The following THBS4 variants were observed in gnomAD, a reference collection of about 807,000 sequenced individuals.
THBS4 encodes thrombospondin 4, also known as thrombospondin-4.
A neutral mutation model predicts 115.7 loss-of-function variants in THBS4; 90 were observed. That is an observed-to-expected ratio of 0.78 (90% confidence interval 0.66 to 0.93). The LOEUF is 0.93. THBS4 is among the 40% of genes least tolerant of loss of function. The pLI, the probability that THBS4 is intolerant of heterozygous loss-of-function variation, is 0.00. For missense variants in THBS4, 1,087 were observed against 1,232.7 expected, an observed-to-expected ratio of 0.88 and a Z score of 1.77; for synonymous variants, 460 against 479.3, an observed-to-expected ratio of 0.96 and a Z score of 0.53.
intron 8 of THBS4, among the ~76,000 whole-genome samples, chr5:80,062,912 A>C (rs1833689718): frequency 6.6e-6 from 1 of 152,086 alleles, no homozygotes; most frequent in South Asian, 2.1e-4. Context: ...TATGTGCCAC[A>C]TTTTCTTAAT....
At chr5:80,065,298 G>A (rs921083162) in intron 8 of THBS4, 111 bp from the exon 9 acceptor site, 42 of 924,962 alleles carry the variant, frequency 4.5e-5, no homozygotes, top group African/African-American at 4.1e-4. Context: ...CATTCTACCC[G>A]AAATTCCGCA....
intron 17 of THBS4, 113 bp from the exon 18 acceptor site, chr5:80,078,808 T>A: frequency 2.4e-6 from 2 of 847,570 alleles, no homozygotes; most frequent in Non-Finnish European, 3.6e-6. Flanking sequence ...AATCTTTATA[T>A]GGAGGTCAGA....
intron 2 of THBS4, among the ~76,000 whole-genome samples, chr5:80,050,156 C>G (rs771642562): frequency 7.9e-5 from 12 of 152,176 alleles, no homozygotes; most frequent in East Asian, 1.9e-4. Context: ...GTACCTGGAA[C>G]CGCCCAGTGG....
At chr5:80,050,930 G>A (rs145439208) in intron 2 of THBS4, among the ~76,000 whole-genome samples, 19 of 152,306 alleles carry the variant, frequency 1.2e-4, no homozygotes, top group Non-Finnish European at 2.2e-4. Flanking sequence ...GCTTTCCAGG[G>A]TGGTGGCCAG....
At position 80,058,774 on chromosome 5, in the gene THBS4, A is replaced by G. The variant is rs781426311; in HGVS notation, c.716A>G (p.Asp239Gly). ...QLNQLLGEVK[D>G]LLRQQVKETS... ...AACCAACTCCTGGGAGAGGTGAAGG[A>G]CCTTCTGAGACAGCAGGTAACAAGC... Residue 239 changes from aspartate to glycine, a missense_variant, in exon 5 of 22, where the codon GAC (aspartate) becomes GGC (glycine). By Grantham distance (94) the Asp-to-Gly change is moderately conservative. Transcript: ENST00000350881. 1 of 1,613,782 alleles carries G rather than the reference A, an allele frequency of 6.2e-7. No individual in the cohort carries two copies. The highest frequency in any genetic ancestry group is 8.5e-7 in the Non-Finnish European group (1 of 1,179,910).
At chr5:80,022,043 C>T (rs939176762) in intron 2 of THBS4, among the ~76,000 whole-genome samples, 1 of 152,106 alleles carries the variant, frequency 6.6e-6, no homozygotes, top group African/African-American at 2.4e-5. Context: ...CCTGATGTCT[C>T]AGTTTTCTAT....
intron 2 of THBS4, among the ~76,000 whole-genome samples, chr5:80,041,291 C>T (rs999248652): frequency 2.0e-5 from 3 of 152,178 alleles, no homozygotes; most frequent in African/African-American, 7.2e-5. Flanking sequence ...TCATGAGGGC[C>T]ACACCCTCAG....
intron 17 of THBS4, 39 bp downstream of exon 17, chr5:80,078,266 C>T (rs1743317081): frequency 6.7e-7 from 1 of 1,503,712 alleles, no homozygotes; most frequent in African/African-American, 1.4e-5. Flanking sequence ...AGCCTTGCCT[C>T]TCAACAGAGG....
chr5:80,008,819 A>AG lies in THBS4; in HGVS notation n.177+10397dup, dbSNP rs538948258. ...AGACATTGTCAGATGTCTGGTGGGG[A>AG]GGGGGTCACAAAATCATCCCTGGGT... On this transcript the variant is annotated intron_variant and non_coding_transcript_variant, in intron 2 of 3. Coordinates refer to the THBS4 transcript ENST00000510218. 3.4e-4 allele frequency among the ~76,000 whole-genome samples: 52 copies of AG among 152,252 alleles called. No individual in the cohort carries two copies. In the South Asian group the frequency reaches 5.4e-3, roughly 16 times the overall value.
intron 2 of THBS4, among the ~76,000 whole-genome samples, chr5:80,025,616 C>G (rs2434273): frequency 0.25 from 38,665 of 152,034 alleles, 5,602 homozygotes; most frequent in African/African-American, 0.4. Flanking sequence ...AAGGAATCAT[C>G]AATGGGGCTT....
intron 2 of THBS4, among the ~76,000 whole-genome samples, chr5:80,042,990 A>G (rs1832953933): frequency 6.6e-6 from 1 of 152,074 alleles, no homozygotes; most frequent in Non-Finnish European, 1.5e-5. Context: ...AAAAAAAATT[A>G]GAGGAAAAGA....
At position 79,991,446 on chromosome 5, in the gene THBS4, G is replaced by A. The variant is rs1831670760; in HGVS notation, n.81+34G>A. ...TGTGTGCCTTAAGTCAGACCCACCA[G>A]TAATTCTTCAAATATTAATATTTAT... is the stretch of plus-strand genomic sequence containing the variant. On this transcript the variant is annotated intron_variant and non_coding_transcript_variant, in intron 1 of 3. Transcript: ENST00000510218. The A allele has an allele frequency of 1.3e-5, 6 of 478,326 alleles. No individual in the cohort carries two copies. In the South Asian group the frequency reaches 2.4e-4, roughly 19 times the overall value. 29.6% of individuals were successfully genotyped at this position (478,326 alleles called of 1,614,324 possible).
chr5:80,036,215 G>A, intron 1 of THBS4: 1 of 985,012 alleles, frequency 1.0e-6, no homozygotes, highest in South Asian at 4.7e-5. Flanking sequence ...CTTTTTCAAT[G>A]AAATCAGTTC....
In THBS4 at chr5:80,080,095, C is replaced by T. The variant is rs2112172626; in HGVS notation, c.2684+18C>T. 1 of 1,609,652 alleles carries T rather than the reference C, an allele frequency of 6.2e-7. No homozygotes were observed. Among genetic ancestry groups the T allele is most frequent in the East Asian group, 2.2e-5 (1 of 44,804 alleles). Reference sequence around the variant, plus strand: ...TACATCAGGTAGGTAGAGGCCCCATCTCCTTACCTTGCTCTAGAAGCAAAG... The same window carrying T: ...TACATCAGGTAGGTAGAGGCCCCATTTCCTTACCTTGCTCTAGAAGCAAAG... On this transcript the variant is annotated intron_variant, in intron 20 of 21. Coordinates refer to ENST00000350881, the MANE Select transcript of THBS4 (RefSeq NM_003248.6).
intron 5 of THBS4, 90 bp downstream of exon 5, chr5:80,058,880 G>A (rs1181635318): frequency 5.6e-6 from 7 of 1,254,418 alleles, no homozygotes; most frequent in East Asian, 2.4e-5. Context: ...GCCCAGGCAC[G>A]GGGGCAGCCT....
At chr5:80,030,743 G>A (rs960223501), upstream of THBS4, among the ~76,000 whole-genome samples, 5 of 152,116 alleles carry the variant, frequency 3.3e-5, no homozygotes, top group Non-Finnish European at 7.4e-5. Flanking sequence ...CCTGGCTCAA[G>A]TGATTCTCCC....
intron 13 of THBS4, among the ~76,000 whole-genome samples, chr5:80,071,385 G>A (rs1834045891): frequency 6.6e-6 from 1 of 152,146 alleles, no homozygotes; most frequent in Non-Finnish European, 1.5e-5. Context: ...GGCTCTGGAT[G>A]TTTCCAGGAC....
At chr5:80,077,105 C>T in intron 16 of THBS4, 57 bp downstream of exon 16, 2 of 1,453,984 alleles carry the variant, frequency 1.4e-6, no homozygotes, top group South Asian at 1.5e-5. Flanking sequence ...CAGCCAGGCA[C>T]ATGGGGGCAC....
intron 13 of THBS4, 104 bp downstream of exon 13, chr5:80,071,284 T>C (rs941127429): frequency 5.4e-5 from 80 of 1,480,004 alleles, no homozygotes; most frequent in Non-Finnish European, 6.1e-5. Context: ...GCCTTCCAGC[T>C]GTGGGTGGCT....
Sources: allele counts gnomAD v4.1 joint callset (sites outside exome capture counted in the v4.1 genomes callset), GRCh38; gene constraint gnomAD v4.1.1; transcripts MANE v1.5; gene names NCBI Gene and HGNC (gene_info 2026-07-23, HGNC 2026-07-21).